The following TMEM132D variants were observed in gnomAD, a reference collection of about 807,000 sequenced individuals.
TMEM132D encodes the protein transmembrane protein 132D.
In TMEM132D, 21 loss-of-function variants were observed where a neutral mutation model predicts 62.3. The ratio of observed to expected loss-of-function variants is 0.34; its 90% CI spans 0.24 to 0.49. The LOEUF (loss-of-function observed/expected upper bound fraction) is 0.49, where lower values mean the gene tolerates loss of function less well. Among genes scored for constraint, TMEM132D ranks in the 20% least tolerant of loss-of-function variants. TMEM132D has a pLI of 0.99. For synonymous variants in TMEM132D, 621 were observed against 575.6 expected (o/e 1.08, Z -1.13); for missense variants, 1,346 against 1,402.8 (o/e 0.96, Z 0.65).
rs550165565 is a variant in TMEM132D, at chr12:129,190,841, G to A, written c.1443+18679C>T. On this transcript the variant is annotated intron_variant, in intron 5 of 8. Coordinates refer to ENST00000422113, the MANE Select transcript of TMEM132D (RefSeq NM_133448.3). ...GTGGTGGGAAACTAATACAGATTCTGAGCCCATATCCTAGCTCTCTGTTCT... is the reference window on the plus strand; with the variant it reads ...GTGGTGGGAAACTAATACAGATTCTAAGCCCATATCCTAGCTCTCTGTTCT... Among the ~76,000 whole-genome samples, 20 of 152,154 alleles carry A rather than the reference G, an allele frequency of 1.3e-4. No homozygotes were observed. In the South Asian group the frequency reaches 2.3e-3, roughly 17 times the overall value.
At chr12:129,696,144 A>G (rs549330613) in intron 2 of TMEM132D, among the ~76,000 whole-genome samples, 18 of 152,306 alleles carry the variant, frequency 1.2e-4, no homozygotes, top group African/African-American at 3.8e-4. Context: ...ATATCTGGCT[A>G]CCAAAACCAC....
intron 1 of TMEM132D, among the ~76,000 whole-genome samples, chr12:129,791,904 T>C (rs1366497853): frequency 2.6e-5 from 4 of 152,166 alleles, no homozygotes; most frequent in Non-Finnish European, 5.9e-5. Flanking sequence ...CACTCCTGTA[T>C]TTCCTAAACA....
intron 4 of TMEM132D, among the ~76,000 whole-genome samples, chr12:129,294,121 C>T (rs1881513604): frequency 6.6e-6 from 1 of 152,148 alleles, no homozygotes; most frequent in Non-Finnish European, 1.5e-5. Flanking sequence ...ATATATGGAT[C>T]ATCAATATTT....
Position 129,120,035 on chromosome 12 carries a change from T to TA in TMEM132D, c.1444-35334dup, listed in dbSNP as rs112570681. ...ATAAAGGGCAAGAGCAGAGAAATAATAAAAAAAAGACACTATGGCTGGAGC... is the reference window on the plus strand; with the variant it reads ...ATAAAGGGCAAGAGCAGAGAAATAATAAAAAAAAAGACACTATGGCTGGAGC... On this transcript the variant is annotated intron_variant, in intron 5 of 8. Transcript: ENST00000422113. Among the ~76,000 whole-genome samples the TA allele has an allele frequency of 1.2e-3, 187 of 151,148 alleles. 2 individuals carry two copies. The highest frequency in any genetic ancestry group is 3.9e-3 in the African/African-American group (162 of 41,122).
chr12:129,553,629 C>T (rs540139704), intron 2 of TMEM132D, among the ~76,000 whole-genome samples: 2 of 152,284 alleles, frequency 1.3e-5, no homozygotes, highest in South Asian at 4.1e-4. Context: ...AAGCTCCCAA[C>T]ATGACAGCAT....
intron 2 of TMEM132D, among the ~76,000 whole-genome samples, chr12:129,667,412 A>C (rs946342070): frequency 1.3e-5 from 2 of 152,154 alleles, no homozygotes; most frequent in Non-Finnish European, 2.9e-5. Context: ...AAGAGAGAGA[A>C]AAGACAAATT....
intron 1 of TMEM132D, among the ~76,000 whole-genome samples, chr12:129,898,516 T>A (rs1875224837): frequency 6.6e-6 from 1 of 152,228 alleles, no homozygotes. Context: ...AAAGGCGACG[T>A]GACTAAGTCA....
At chr12:129,449,365 A>AT (rs1873199832) in intron 3 of TMEM132D, among the ~76,000 whole-genome samples, 1 of 152,206 alleles carries the variant, frequency 6.6e-6, no homozygotes, top group African/African-American at 2.4e-5. Flanking sequence ...TAATTAAGGA[A>AT]TGAGTAACCA....
At chr12:129,657,885 G>T (rs616532) in intron 2 of TMEM132D, among the ~76,000 whole-genome samples, 37,068 of 152,132 alleles carry the variant, frequency 0.24, 4,968 homozygotes, top group African/African-American at 0.35. Flanking sequence ...ACTTCATGCA[G>T]TCAACTATTA....
chr12:129,265,544 G>A (rs1191280682), intron 4 of TMEM132D, among the ~76,000 whole-genome samples: 1 of 152,088 alleles, frequency 6.6e-6, no homozygotes, highest in Non-Finnish European at 1.5e-5. Flanking sequence ...AAGCCCCGGT[G>A]TCCCTCCCGG....
intron 1 of TMEM132D, among the ~76,000 whole-genome samples, chr12:129,762,830 C>CT (rs2137276509): frequency 6.6e-6 from 1 of 152,214 alleles, no homozygotes; most frequent in East Asian, 1.9e-4. Flanking sequence ...AAAAAGCTGT[C>CT]TAATATGTTT....
At chr12:129,197,702 G>C (rs888760310) in intron 5 of TMEM132D, among the ~76,000 whole-genome samples, 2 of 152,270 alleles carry the variant, frequency 1.3e-5, no homozygotes, top group Non-Finnish European at 2.9e-5. Context: ...GAAAACACAG[G>C]GGAAACACTG....
chr12:129,271,994 C>T (rs1478866384), intron 4 of TMEM132D, among the ~76,000 whole-genome samples: 1 of 151,882 alleles, frequency 6.6e-6, no homozygotes, highest in Non-Finnish European at 1.5e-5. Context: ...ACATTACCTT[C>T]CACAATGCTC....
At chr12:129,879,185 T>C (rs1202278154) in intron 1 of TMEM132D, among the ~76,000 whole-genome samples, 1 of 152,190 alleles carries the variant, frequency 6.6e-6, no homozygotes, top group Non-Finnish European at 1.5e-5. Flanking sequence ...ACATAAGAGT[T>C]TGTGTTCCTT....
At chr12:129,870,000 C>T (rs1038664620) in intron 1 of TMEM132D, among the ~76,000 whole-genome samples, 1 of 152,136 alleles carries the variant, frequency 6.6e-6, no homozygotes, top group African/African-American at 2.4e-5. Flanking sequence ...CTTTCCACCA[C>T]ACCTGGGTTT....
chr12:129,351,242 T>C (rs1171490478), intron 3 of TMEM132D, among the ~76,000 whole-genome samples: 4 of 152,106 alleles, frequency 2.6e-5, no homozygotes, highest in African/African-American at 7.2e-5. Flanking sequence ...CCTCACCAAA[T>C]TGGACTCTCT....
chr12:129,640,673 T>C (rs1171538962), intron 2 of TMEM132D, among the ~76,000 whole-genome samples: 2 of 152,154 alleles, frequency 1.3e-5, no homozygotes, highest in Non-Finnish European at 2.9e-5. Context: ...CACACAGACA[T>C]TAATTCCTAC....
At chr12:129,826,792 G>T (rs73440430) in intron 1 of TMEM132D, among the ~76,000 whole-genome samples, 1 of 152,084 alleles carries the variant, frequency 6.6e-6, no homozygotes, top group African/African-American at 2.4e-5. Flanking sequence ...ATCCATCCGA[G>T]GACTGGGTGA....
At chr12:129,833,848 T>C (rs1254283155) in intron 1 of TMEM132D, among the ~76,000 whole-genome samples, 1 of 152,152 alleles carries the variant, frequency 6.6e-6, no homozygotes, top group African/African-American at 2.4e-5. Context: ...ATAGCATAAC[T>C]AGGTCTGGGG....
Sources: gnomAD v4.1 joint callset for allele counts (sites outside exome capture counted in the v4.1 genomes callset) on GRCh38, gnomAD v4.1.1 for gene constraint, MANE v1.5 for transcripts, NCBI Gene and HGNC (gene_info 2026-07-23, HGNC 2026-07-21) for gene names.